TCF7L1: variants seen among roughly 807,000 people sequenced by gnomAD.
TCF7L1 encodes the protein transcription factor 7 like 1, also known as transcription factor 7-like 1.
A neutral mutation model predicts 63.7 loss-of-function variants in TCF7L1; 18 were observed. The ratio of observed to expected loss-of-function variants is 0.28; its 90% CI spans 0.20 to 0.42. The LOEUF (loss-of-function observed/expected upper bound fraction) is 0.42. Among genes scored for constraint, TCF7L1 ranks in the 10% least tolerant of loss-of-function variants. The probability of loss-of-function intolerance (pLI) is 1.00; values close to 1 mark genes in which losing one functional copy is unlikely to be tolerated. For synonymous variants in TCF7L1, 355 were observed against 340.9 expected (o/e 1.04, Z -0.46); for missense variants, 654 against 779.3 (o/e 0.84, Z 1.91).
At chr2:85,294,026 ATTTTTTT>A (rs774050758) in intron 4 of TCF7L1, among the ~76,000 whole-genome samples, 12 of 59,486 alleles carry the variant, frequency 2.0e-4, no homozygotes, top group East Asian at 8.6e-4. Flanking sequence ...GAACACTGGG[ATTTTTTT>A]TTTTTTTTTT....
chr2:85,218,385 A>G (rs953778819), intron 3 of TCF7L1, among the ~76,000 whole-genome samples: 1 of 152,034 alleles, frequency 6.6e-6, no homozygotes. Flanking sequence ...CCTCCTGAAT[A>G]ACTGGGACTA....
intron 4 of TCF7L1, among the ~76,000 whole-genome samples, chr2:85,301,608 C>T (rs1681975427): frequency 6.6e-6 from 1 of 152,172 alleles, no homozygotes. Context: ...GGTGCTCCTT[C>T]CATTTGGTGG....
At chr2:85,214,761 G>A (rs139454044) in intron 3 of TCF7L1, among the ~76,000 whole-genome samples, 2 of 152,112 alleles carry the variant, frequency 1.3e-5, no homozygotes, top group Admixed American at 6.5e-5. Flanking sequence ...GGGGCTCCCC[G>A]AGTTTTAAAA....
chr2:85,164,777 G>T (rs961704887), intron 3 of TCF7L1, among the ~76,000 whole-genome samples: 1 of 152,108 alleles, frequency 6.6e-6, no homozygotes, highest in Admixed American at 6.5e-5. Flanking sequence ...ATGTTTGTGG[G>T]TACATAGTAC....
In TCF7L1 at chr2:85,143,696, G is replaced by A. The variant is rs79080404; in HGVS notation, c.441+9246G>A. On this transcript the variant is annotated intron_variant, in intron 3 of 11. Transcript: ENST00000282111. ...TCTACCCATGTGATTTTACACACAT[G>A]CCTGATATAATTAGCTCCTCCTCCT... 3.6e-3 allele frequency among the ~76,000 whole-genome samples: 548 copies of A among 152,314 alleles called. 1 individual carries two copies. The highest frequency in any genetic ancestry group is 0.012 in the African/African-American group (509 of 41,568).
intron 3 of TCF7L1, among the ~76,000 whole-genome samples, chr2:85,157,953 G>A (rs1205561598): frequency 6.6e-6 from 1 of 152,212 alleles, no homozygotes; most frequent in Admixed American, 6.5e-5. Context: ...TGCAGATGGG[G>A]GCATGGCTTT....
chr2:85,199,550 A>G (rs1405838626), intron 3 of TCF7L1, among the ~76,000 whole-genome samples: 1 of 152,140 alleles, frequency 6.6e-6, no homozygotes, highest in Admixed American at 6.5e-5. Context: ...CCAGTCCCCA[A>G]ACTCCACCCC....
At chr2:85,283,790 A>C (rs1048544275) in intron 4 of TCF7L1, among the ~76,000 whole-genome samples, 1 of 152,154 alleles carries the variant, frequency 6.6e-6, no homozygotes, top group Admixed American at 6.5e-5. Context: ...TTGTAATTGG[A>C]ATAGCCGTCC....
intron 3 of TCF7L1, among the ~76,000 whole-genome samples, chr2:85,154,580 C>G (rs911210011): frequency 6.6e-6 from 1 of 152,204 alleles, no homozygotes; most frequent in African/African-American, 2.4e-5. Context: ...CCTCATACTT[C>G]CCTGCCTCCC....
At chr2:85,251,311 ATAT>A (rs1019334948) in intron 3 of TCF7L1, among the ~76,000 whole-genome samples, 1 of 152,170 alleles carries the variant, frequency 6.6e-6, no homozygotes, top group African/African-American at 2.4e-5. Flanking sequence ...CCATATCCGG[ATAT>A]TATTATGTCT....
chr2:85,292,920 C>T (rs1393154708), intron 4 of TCF7L1, among the ~76,000 whole-genome samples: 7 of 152,228 alleles, frequency 4.6e-5, no homozygotes, highest in African/African-American at 1.7e-4. Flanking sequence ...ACAAACAATT[C>T]AGTGGCTTAC....
intron 3 of TCF7L1, among the ~76,000 whole-genome samples, chr2:85,147,848 A>T (rs771687727): frequency 2.6e-5 from 4 of 152,176 alleles, no homozygotes; most frequent in Non-Finnish European, 2.9e-5. Context: ...GGATATACAG[A>T]TGCGACTGGA....
At chr2:85,267,292 C>T (rs145143021) in intron 3 of TCF7L1, among the ~76,000 whole-genome samples, 1,665 of 140,592 alleles carry the variant, frequency 0.012, 26 homozygotes, top group African/African-American at 0.043. Flanking sequence ...GATTGTGCCA[C>T]TGCACTCCAG....
At position 85,309,832 on chromosome 2, in the gene TCF7L1, C is replaced by G. The variant is rs1682235553; in HGVS notation, c.*370C>G. On this transcript the variant is annotated 3_prime_UTR_variant, in exon 12 of 12. Coordinates refer to ENST00000282111, the MANE Select transcript of TCF7L1 (RefSeq NM_031283.3). ...GCCGCCTGCCCCAGCTTCCCCGACT[C>G]CATCTGCAGCTCTGCCATTGTGACA... The G allele has an allele frequency of 1.4e-5, 3 of 212,248 alleles. No homozygotes were observed. The highest frequency in any genetic ancestry group is 2.8e-5 in the Non-Finnish European group (3 of 107,294). 13.1% of individuals were successfully genotyped at this position (212,248 alleles called of 1,614,324 possible).
At chr2:85,150,441 A>C (rs1030701957) in intron 3 of TCF7L1, among the ~76,000 whole-genome samples, 8 of 151,956 alleles carry the variant, frequency 5.3e-5, no homozygotes, top group South Asian at 2.1e-4. Flanking sequence ...ACCGTGTTAG[A>C]CAGGATGGTC....
intron 3 of TCF7L1, among the ~76,000 whole-genome samples, chr2:85,185,626 G>C (rs1289533654): frequency 6.6e-6 from 1 of 152,066 alleles, no homozygotes; most frequent in Non-Finnish European, 1.5e-5. Context: ...GTCTATCTCT[G>C]CTTGTGGGTT....
At chr2:85,295,362 C>T (rs545202319) in intron 4 of TCF7L1, among the ~76,000 whole-genome samples, 128 of 152,154 alleles carry the variant, frequency 8.4e-4, no homozygotes, top group Non-Finnish European at 1.6e-3. Context: ...CCCGCATGCC[C>T]GGCTAATTTT....
intron 3 of TCF7L1, among the ~76,000 whole-genome samples, chr2:85,233,407 T>C (rs1680126140): frequency 6.6e-6 from 1 of 151,152 alleles, no homozygotes; most frequent in African/African-American, 2.4e-5. Flanking sequence ...CCTCCGATTC[T>C]CTGGTTCAAG....
chr2:85,193,187 G>A (rs13026423), intron 3 of TCF7L1, among the ~76,000 whole-genome samples: 25 of 152,188 alleles, frequency 1.6e-4, no homozygotes, highest in East Asian at 3.9e-4. Flanking sequence ...TTTTATTCTC[G>A]TGGGTGATGG....
Sources: allele counts gnomAD v4.1 joint callset (sites outside exome capture counted in the v4.1 genomes callset), GRCh38; gene constraint gnomAD v4.1.1; transcripts MANE v1.5; gene names NCBI Gene and HGNC (gene_info 2026-07-23, HGNC 2026-07-21).